PCDHA5: variants seen among roughly 807,000 people sequenced by gnomAD.
PCDHA5 encodes the protein protocadherin alpha-5.
Under a neutral mutation model 61.6 loss-of-function variants are expected in PCDHA5, and 43 were observed. That is an observed-to-expected ratio of 0.70 (90% CI 0.55 to 0.90). The LOEUF (loss-of-function observed/expected upper bound fraction) is 0.90. Among genes scored for constraint, PCDHA5 ranks in the 40% least tolerant of loss-of-function variants. The pLI is 0.00. For missense variants in PCDHA5, 1,298 were observed against 1,222.7 expected (o/e 1.06, Z -0.92); for synonymous variants, 627 against 543.9 (o/e 1.15, Z -2.13).
chr5:140,932,975 A>G (rs2088770619), intron 1 of PCDHA5, among the ~76,000 whole-genome samples: 1 of 152,012 alleles, frequency 6.6e-6, no homozygotes, highest in African/African-American at 2.4e-5. Flanking sequence ...GGTTTTTACA[A>G]TGCTCAAATG....
At chr5:140,895,935 C>T (rs922054631) in intron 1 of PCDHA5, among the ~76,000 whole-genome samples, 20 of 152,028 alleles carry the variant, frequency 1.3e-4, no homozygotes, top group African/African-American at 4.1e-4. Flanking sequence ...CTCAGCCTCC[C>T]GAGTAGCTGG....
chr5:140,838,214 A>C (rs1211623203), intron 1 of PCDHA5, among the ~76,000 whole-genome samples: 1 of 149,876 alleles, frequency 6.7e-6, no homozygotes, highest in Non-Finnish European at 1.5e-5. Context: ...CTCTGGTACA[A>C]GCAGTTCTCA....
At chr5:140,847,483 T>C (rs1445193080) in intron 1 of PCDHA5, 2 of 149,968 alleles carry the variant, frequency 1.3e-5, no homozygotes, top group Non-Finnish European at 3.0e-5. Flanking sequence ...TGGAATAAGA[T>C]AGTAAAACTC....
rs558780713 is a variant in PCDHA5, at chr5:140,870,170, T to C, written c.2352+46043T>C. ...GAAGTCGCCGTGACTTCCTTGTCCCTCCCAGTACGAGAGGACGCTCAGCCC... is the reference window on the plus strand; with the variant it reads ...GAAGTCGCCGTGACTTCCTTGTCCCCCCCAGTACGAGAGGACGCTCAGCCC... On this transcript the variant is annotated intron_variant, in intron 1 of 3. Coordinates refer to ENST00000529859, the MANE Select transcript of PCDHA5 (RefSeq NM_018908.3). 8 of 1,614,100 alleles carry C rather than the reference T, an allele frequency of 5.0e-6. No homozygotes were observed. In the Admixed American group the frequency reaches 1.0e-4, roughly 20 times the overall value.
At chr5:140,870,955 C>G (rs782342308) in intron 1 of PCDHA5, 1 of 1,613,632 alleles carries the variant, frequency 6.2e-7, no homozygotes, top group South Asian at 1.1e-5. Context: ...GGGCGGCTCG[C>G]GCATCCCGTT....
chr5:141,000,421 A>T (rs4912737), intron 3 of PCDHA5, among the ~76,000 whole-genome samples: 2,503 of 28,048 alleles, frequency 0.089, 337 homozygotes, highest in East Asian at 0.098. Flanking sequence ...ATATATATAT[A>T]TTTTTTTTTT....
At chr5:140,882,143 C>T in intron 1 of PCDHA5, 1 of 1,494,048 alleles carries the variant, frequency 6.7e-7, no homozygotes, top group Non-Finnish European at 8.9e-7. Context: ...GAAAATATAG[C>T]AGAAAGCGGA....
At chr5:140,931,977 T>G (rs1207911799) in intron 1 of PCDHA5, among the ~76,000 whole-genome samples, 2 of 151,978 alleles carry the variant, frequency 1.3e-5, no homozygotes, top group Non-Finnish European at 2.9e-5. Flanking sequence ...TATGTGTTTA[T>G]ATTTTGCTCA....
intron 1 of PCDHA5, among the ~76,000 whole-genome samples, chr5:140,918,414 T>G (rs2078683449): frequency 6.6e-6 from 1 of 152,198 alleles, no homozygotes; most frequent in African/African-American, 2.4e-5. Context: ...TGGCCAGGAC[T>G]TCCAGTAGGA....
intron 1 of PCDHA5, chr5:140,927,139 C>T: frequency 6.2e-7 from 1 of 1,614,046 alleles, no homozygotes; most frequent in Non-Finnish European, 8.5e-7. Context: ...GCCGGCGGAC[C>T]GCGAACAGCT....
chr5:140,896,764 G>C (rs2153454405), intron 1 of PCDHA5, among the ~76,000 whole-genome samples: 1 of 152,136 alleles, frequency 6.6e-6, no homozygotes, highest in East Asian at 1.9e-4. Context: ...GACCTTTGTT[G>C]GATGCATAGT....
intron 1 of PCDHA5, chr5:140,877,110 C>A (rs1554169339): frequency 1.1e-5 from 18 of 1,613,500 alleles, no homozygotes; most frequent in Middle Eastern, 1.7e-4. Flanking sequence ...CGCCTCTGGG[C>A]AGCAACGTGA....
At chr5:141,008,568 T>C (rs1430525508) in intron 3 of PCDHA5, among the ~76,000 whole-genome samples, 2 of 152,220 alleles carry the variant, frequency 1.3e-5, no homozygotes, top group African/African-American at 4.8e-5. Flanking sequence ...GCATAATCAT[T>C]TTCCCAAGAC....
At chr5:140,857,588 G>A (rs2044704730) in intron 1 of PCDHA5, 2 of 1,596,484 alleles carry the variant, frequency 1.3e-6, no homozygotes, top group African/African-American at 1.3e-5. Flanking sequence ...CGCGGAGAGC[G>A]GCAAGGTGTA....
At chr5:140,971,603 C>T (rs1353988698) in intron 1 of PCDHA5, among the ~76,000 whole-genome samples, 1 of 152,072 alleles carries the variant, frequency 6.6e-6, no homozygotes, top group Non-Finnish European at 1.5e-5. Context: ...CTACAGATGG[C>T]AGGAGAGTCC....
intron 1 of PCDHA5, among the ~76,000 whole-genome samples, chr5:140,974,062 G>T (rs1014435483): frequency 2.0e-5 from 3 of 152,222 alleles, no homozygotes; most frequent in Non-Finnish European, 4.4e-5. Context: ...ATTTGGAGCA[G>T]TATAATCTAT....
intron 1 of PCDHA5, among the ~76,000 whole-genome samples, chr5:140,947,885 A>G (rs2094188913): frequency 6.6e-6 from 1 of 151,584 alleles, no homozygotes; most frequent in Non-Finnish European, 1.5e-5. Context: ...AGGACAATAT[A>G]AACAGAAGTG....
At chr5:140,891,644 T>C (rs1554184907) in intron 1 of PCDHA5, among the ~76,000 whole-genome samples, 1 of 152,246 alleles carries the variant, frequency 6.6e-6, no homozygotes, top group Non-Finnish European at 1.5e-5. Context: ...TGGGCTTTAT[T>C]GTGGATAGTT....
chr5:140,824,251 T>C (rs1283457501), intron 1 of PCDHA5, 124 bp downstream of exon 1: 2 of 1,394,460 alleles, frequency 1.4e-6, no homozygotes, highest in Non-Finnish European at 2.0e-6. Flanking sequence ...GGTACACAAT[T>C]ATTGCACTAA....
Sources: allele counts gnomAD v4.1 joint callset (sites outside exome capture counted in the v4.1 genomes callset), GRCh38; gene constraint gnomAD v4.1.1; transcripts MANE v1.5; gene names NCBI Gene and HGNC (gene_info 2026-07-23, HGNC 2026-07-21).